FHL1: variants seen among roughly 807,000 people sequenced by gnomAD.
FHL1 encodes four and a half LIM domains protein 1.
In FHL1, 1 loss-of-function variant was observed where a neutral mutation model predicts 20.3. The ratio of observed to expected loss-of-function variants is 0.05; its 90% confidence interval spans 0.02 to 0.23. FHL1 has a LOEUF of 0.23. Ranked by LOEUF, FHL1 falls within the 10% of genes least tolerant of loss-of-function variation. The pLI, the probability that FHL1 is intolerant of heterozygous loss-of-function variation, is 1.00. For missense variants in FHL1, 177 were observed against 234.0 expected (o/e 0.76, Z 1.59); for synonymous variants, 82 against 88.9 (o/e 0.92, Z 0.44).
In FHL1 at chrX:136,209,957, C is replaced by G. The variant is rs2148383784; in HGVS notation, c.823C>G (p.Leu275Val). ...CFHCKKCSVN[L>V]ANKRFVFHQE... Reference sequence around the variant, plus strand: ...CCACTGCAAAAAATGCTCCGTGAATCTGGCCAACAAGCGCTTTGTTTTCCA... The same window carrying G: ...CCACTGCAAAAAATGCTCCGTGAATGTGGCCAACAAGCGCTTTGTTTTCCA... Residue 275 changes from leucine (L) to valine (V), a missense_variant, in exon 6 of 6, where the codon CTG becomes GTG. Physicochemically the swap from Leu to Val is conservative, Grantham distance 32 (BLOSUM62 1). Transcript: ENST00000370683. The G allele has an allele frequency of 8.3e-7, 1 of 1,211,447 alleles. No homozygotes were observed. Among genetic ancestry groups the G allele is most frequent in the Non-Finnish European group, 1.1e-6 (1 of 895,464 alleles).
chrX:136,148,796 A>G (rs1452985498), intron 1 of FHL1: 1 of 112,515 alleles, frequency 8.9e-6, no homozygotes, highest in Non-Finnish European at 1.9e-5. Context: ...CCTTAGGAAA[A>G]GAAAAGGACA....
intron 2 of FHL1, among the ~76,000 whole-genome samples, chrX:136,190,480 A>G (rs1278558305): frequency 8.9e-6 from 1 of 111,878 alleles, no homozygotes; most frequent in Non-Finnish European, 1.9e-5. Flanking sequence ...TTAATTGAGC[A>G]AAGAACGATT....
At chrX:136,202,994 G>T (rs933878470) in intron 1 of FHL1, among the ~76,000 whole-genome samples, 1 of 112,414 alleles carries the variant, frequency 8.9e-6, no homozygotes, top group Non-Finnish European at 1.9e-5. Flanking sequence ...AGCACACTGC[G>T]TGCATGAGGG....
intron 2 of FHL1, among the ~76,000 whole-genome samples, chrX:136,183,702 TC>T (rs2073221564): frequency 8.9e-6 from 1 of 112,168 alleles, no homozygotes; most frequent in Non-Finnish European, 1.9e-5. Flanking sequence ...AAGATTTTCT[TC>T]CTGCAAAATG....
chrX:136,147,196 C>G (rs1233381901), upstream of FHL1, among the ~76,000 whole-genome samples: 7 of 109,628 alleles, frequency 6.4e-5, no homozygotes, highest in South Asian at 7.8e-4. Context: ...GGATCCGAGC[C>G]GGTCCTCGGG....
intron 1 of FHL1, among the ~76,000 whole-genome samples, chrX:136,158,515 A>C (rs1209956301): frequency 9.0e-6 from 1 of 110,627 alleles, no homozygotes; most frequent in Non-Finnish European, 1.9e-5. Flanking sequence ...TCCTGATGCC[A>C]CTTCTCTTGC....
upstream of FHL1, among the ~76,000 whole-genome samples, chrX:136,169,069 T>TA (rs781125452): frequency 6.2e-4 from 69 of 111,869 alleles, no homozygotes; most frequent in Non-Finnish European, 1.2e-3. Flanking sequence ...ATAGTTGATC[T>TA]AAAAGCGGCA....
At chrX:136,203,536 T>C (rs1203437313) in intron 1 of FHL1, among the ~76,000 whole-genome samples, 1 of 112,331 alleles carries the variant, frequency 8.9e-6, no homozygotes, top group Non-Finnish European at 1.9e-5. Flanking sequence ...CAGTGGCCAG[T>C]GACTTCATTG....
At chrX:136,149,776 A>G (rs1466223300) in intron 1 of FHL1, among the ~76,000 whole-genome samples, 2 of 111,933 alleles carry the variant, frequency 1.8e-5, no homozygotes, top group Non-Finnish European at 3.8e-5. Flanking sequence ...CGCTAAAACA[A>G]AATAATTATT....
intron 3 of FHL1, chrX:136,207,422 A>C (rs992755765): frequency 4.6e-6 from 2 of 438,734 alleles, no homozygotes; most frequent in Non-Finnish European, 4.0e-6. Context: ...CAACAGAATG[A>C]AGTGAACAGT....
At chrX:136,153,281 A>AGG (rs1203834667) in intron 1 of FHL1, among the ~76,000 whole-genome samples, 1 of 32,264 alleles carries the variant, frequency 3.1e-5, no homozygotes, top group African/African-American at 8.1e-5. Context: ...TTTTTGCGGG[A>AGG]GGTGGGGGGG....
In FHL1 at chrX:136,181,062, G is replaced by T. The variant is rs2073145260; in HGVS notation, c.-27+11082G>T. Among the ~76,000 whole-genome samples the T allele has an allele frequency of 6.2e-5, 7 of 112,452 alleles. No individual in the cohort carries two copies. The South Asian group carries it at 2.6e-3, about 41-fold the overall frequency. The stretch of plus-strand genomic sequence containing the variant: ...CCGGCCCTGATTGACTTTAACATAA[G>T]TAAAGGTTATTAATGTCAACCTAAA... On this transcript the variant is annotated intron_variant, in intron 2 of 6. Transcript: ENST00000394153.
At chrX:136,153,821 G>T (rs1418425982) in intron 1 of FHL1, among the ~76,000 whole-genome samples, 1 of 111,324 alleles carries the variant, frequency 9.0e-6, no homozygotes, top group East Asian at 2.8e-4. Context: ...CTTATATAGT[G>T]TGTTATTTTT....
chrX:136,164,062 T>C (rs192802724), intron 1 of FHL1, among the ~76,000 whole-genome samples: 23 of 112,111 alleles, frequency 2.1e-4, no homozygotes, highest in Non-Finnish European at 9.4e-5. Context: ...CATTGAACAT[T>C]AGGGCAAAGG....
chrX:136,170,460 G>C (rs1017380236), intron 2 of FHL1, among the ~76,000 whole-genome samples: 1 of 111,258 alleles, frequency 9.0e-6, no homozygotes, highest in African/African-American at 3.3e-5. Flanking sequence ...GCCAAAGAGT[G>C]CTTCTGCTCG....
In FHL1 at chrX:136,206,409, C is replaced by T; in HGVS notation, c.25C>T (p.Pro9Ser). 8.3e-7 allele frequency: 1 copy of T among 1,211,929 alleles called. No individual in the cohort carries two copies. The highest frequency in any genetic ancestry group is 2.2e-5 in the Admixed American group (1 of 46,112). ...GTCCTGTCTGCTTGCCCCCGCAGGT[C>T]CCTCCAGCTACAAGGTGGGCACCAT... MASHRHSG[P>S]SSYKVGTMAE... is the part of the protein sequence containing the mutation. Residue 9 changes from proline (P) to serine (S), a missense_variant and splice_region_variant, in exon 2 of 6, where the codon CCC becomes TCC. Physicochemically the swap from Pro to Ser is moderately conservative, Grantham distance 74. Transcript: ENST00000370683.
intron 1 of FHL1, among the ~76,000 whole-genome samples, chrX:136,153,285 G>GGT (rs1556631267): frequency 6.0e-5 from 1 of 16,678 alleles, no homozygotes; most frequent in Non-Finnish European, 2.2e-4. Context: ...TGCGGGAGGT[G>GGT]GGGGGGGGCA....
At chrX:136,157,607 C>T (rs1409442155) in intron 1 of FHL1, among the ~76,000 whole-genome samples, 3 of 111,093 alleles carry the variant, frequency 2.7e-5, no homozygotes, top group Non-Finnish European at 5.7e-5. Flanking sequence ...TTTATCCTTG[C>T]CCCTTTTCCA....
At chrX:136,190,861 C>T (rs1418659542) in intron 2 of FHL1, among the ~76,000 whole-genome samples, 1 of 111,699 alleles carries the variant, frequency 9.0e-6, no homozygotes, top group African/African-American at 3.3e-5. Context: ...CATCTCTGGG[C>T]CTCAGCTTTT....
Sources: gnomAD v4.1 joint callset for allele counts (sites outside exome capture counted in the v4.1 genomes callset) on GRCh38, gnomAD v4.1.1 for gene constraint, MANE v1.5 for transcripts, NCBI Gene and HGNC (gene_info 2026-07-23, HGNC 2026-07-21) for gene names.